PLEKHH1: variants seen among roughly 807,000 people sequenced by gnomAD.
The protein encoded by PLEKHH1 is pleckstrin homology domain-containing family H member 1.
In PLEKHH1, 104 loss-of-function variants were observed where a neutral mutation model predicts 160.0. That is an observed-to-expected ratio of 0.65 (90% CI 0.55 to 0.76). PLEKHH1 has a LOEUF of 0.76. PLEKHH1 is among the 30% of genes least tolerant of loss of function. PLEKHH1 has a pLI of 0.00. For synonymous variants in PLEKHH1, 619 were observed against 678.4 expected, an observed-to-expected ratio of 0.91 and a Z score of 1.36; for missense variants, 1,427 against 1,724.1, an observed-to-expected ratio of 0.83 and a Z score of 3.05.
chr14:67,544,071 A>G (rs141749410), intron 2 of PLEKHH1, among the ~76,000 whole-genome samples: 2 of 152,312 alleles, frequency 1.3e-5, no homozygotes, highest in East Asian at 3.9e-4. Flanking sequence ...TTCTGCATCA[A>G]GTCAGGACTA....
intron 1 of PLEKHH1, among the ~76,000 whole-genome samples, chr14:67,534,959 G>C (rs2033644785): frequency 6.6e-6 from 1 of 152,196 alleles, no homozygotes; most frequent in African/African-American, 2.4e-5. Context: ...AAACAATCTA[G>C]ATGTCCATCA....
intron 10 of PLEKHH1, 65 bp downstream of exon 10, chr14:67,571,967 A>T (rs1328576533): frequency 6.5e-7 from 1 of 1,539,520 alleles, no homozygotes; most frequent in Non-Finnish European, 8.8e-7. Context: ...TCCCATGGGC[A>T]CTTGAACATG....
rs145425849 is a variant in PLEKHH1, at chr14:67,551,869, C to T, written c.127-3956C>T. Among the ~76,000 whole-genome samples the T allele has an allele frequency of 7.3e-4, 111 of 151,480 alleles. 1 individual carries two copies. The highest frequency in any genetic ancestry group is 2.5e-3 in the African/African-American group (104 of 41,252). On this transcript the variant is annotated intron_variant, in intron 2 of 28. Transcript: ENST00000329153. ...CCAGCCTGGGCGACACAGTGAGATT[C>T]TGTCTAAAAAAAAAAAAGAATGTTG...
chr14:67,584,857 C>T (rs756609497), intron 26 of PLEKHH1, among the ~76,000 whole-genome samples: 2 of 152,160 alleles, frequency 1.3e-5, no homozygotes, highest in Non-Finnish European at 2.9e-5. Context: ...TAAGCCATCA[C>T]AAATGCTATG....
At chr14:67,564,647 A>G (rs1039570481) in intron 7 of PLEKHH1, among the ~76,000 whole-genome samples, 15 of 147,890 alleles carry the variant, frequency 1.0e-4, no homozygotes, top group Non-Finnish European at 2.1e-4. Flanking sequence ...TAGTAGAGAC[A>G]GGGTTTCACT....
At chr14:67,556,297 A>C (rs980585353) in intron 3 of PLEKHH1, among the ~76,000 whole-genome samples, 1 of 152,174 alleles carries the variant, frequency 6.6e-6, no homozygotes, top group Non-Finnish European at 1.5e-5. Context: ...GCAAGGAAAG[A>C]AAGCTGGATG....
chr14:67,574,136 G>T lies in PLEKHH1; in HGVS notation c.1927-106G>T. 9.9e-7 allele frequency: 1 copy of T among 1,013,312 alleles called. No individual in the cohort carries two copies. Among genetic ancestry groups the T allele is most frequent in the Non-Finnish European group, 1.4e-6 (1 of 698,780 alleles). 62.8% of individuals were successfully genotyped at this position (1,013,312 alleles called of 1,614,324 possible). On this transcript the variant is annotated intron_variant, in intron 13 of 28. Coordinates refer to ENST00000329153, the MANE Select transcript of PLEKHH1 (RefSeq NM_020715.3). This position sits in a 1 kb window ranked among gnomAD's most constrained non-coding sequence, Gnocchi z 4.2. Reference sequence around the variant, plus strand: ...AAAGGAGGGAGCACTAGGGCAGGCAGAAGGCCAGCCCCTTGGGTTCAGGGA... The same window carrying T: ...AAAGGAGGGAGCACTAGGGCAGGCATAAGGCCAGCCCCTTGGGTTCAGGGA...
In PLEKHH1 at chr14:67,541,986, C is replaced by A. The variant is rs749649717; in HGVS notation, c.119C>A (p.Ala40Asp). 4 of 1,604,676 alleles carry A rather than the reference C, an allele frequency of 2.5e-6. No homozygotes were observed. In the African/African-American group the frequency reaches 5.4e-5, roughly 21 times the overall value. ...GCCAGCAAGATAAGGGAGCTGCTGG[C>A]TGACAAGGTGAGTCCCTCAGAGCAG... ...LQASKIRELL[A>D]DKMQELEQRL... The change falls in exon 2 of 29, where the codon GCT becomes GAT. Residue 40 changes from alanine to aspartate, a missense_variant. By Grantham distance (126) the Ala-to-Asp change is moderately radical. Transcript: ENST00000329153.
rs145778193 is a variant in PLEKHH1 at position 67,577,309 on chromosome 14, G to A, written c.2469G>A (p.Pro823=). 8.7e-4 allele frequency: 1,361 copies of A among 1,564,944 alleles called. 10 individuals are homozygous for A. The African/African-American group carries it at 0.016, about 19-fold the overall frequency. The change falls in exon 18 of 29, where the codon CCG becomes CCA. Residue 823 remains proline, a synonymous_variant. Coordinates refer to ENST00000329153, the MANE Select transcript of PLEKHH1 (RefSeq NM_020715.3). ...LMDGEGDPDS[P]LWRHPMLCYS... ...GTTCCGTGCTTTGGGCAGATTCGCC[G>A]CTCTGGAGGCACCCCATGCTGTGCT...
chr14:67,559,926 G>A (rs988231568), intron 5 of PLEKHH1, among the ~76,000 whole-genome samples: 5 of 152,176 alleles, frequency 3.3e-5, no homozygotes, highest in East Asian at 1.9e-4. Context: ...TTAAGTTTGC[G>A]AGAAGGAATG....
rs372546979 is a variant in PLEKHH1, at chr14:67,563,546, G to A, written c.1263+652G>A. Reference sequence around the variant, plus strand: ...CCTCCTGGGTTCAATCAATTCTCCCGCCTCAGCCTCCCAAGTAGCTGGGAT... The same window carrying A: ...CCTCCTGGGTTCAATCAATTCTCCCACCTCAGCCTCCCAAGTAGCTGGGAT... On this transcript the variant is annotated intron_variant, in intron 7 of 28. Transcript: ENST00000329153. 4.6e-5 allele frequency among the ~76,000 whole-genome samples: 7 copies of A among 151,734 alleles called. 1 individual carries two copies. Among genetic ancestry groups the A allele is most frequent in the African/African-American group, 7.3e-5 (3 of 41,352 alleles).
At chr14:67,545,365 T>A (rs139103251) in intron 2 of PLEKHH1, among the ~76,000 whole-genome samples, 4 of 152,260 alleles carry the variant, frequency 2.6e-5, no homozygotes, top group Non-Finnish European at 5.9e-5. Context: ...GTTCTATTTA[T>A]ATGAGAAAGA....
rs769073169 is a variant in PLEKHH1 at position 67,562,073 on chromosome 14, G to A, written c.505+38G>A. The A allele has an allele frequency of 1.7e-5, 27 of 1,609,144 alleles. No homozygotes were observed. In the South Asian group the frequency reaches 2.1e-4, roughly 12 times the overall value. ...GGGTGTGCAGGTGTGCAGTACGTGT[G>A]TTTGGTGGGTATGGGGCTGAGCTAC... On this transcript the variant is annotated intron_variant, in intron 6 of 28. Transcript: ENST00000329153.
At chr14:67,558,796 C>T (rs1202732096) in intron 4 of PLEKHH1, among the ~76,000 whole-genome samples, 1 of 152,214 alleles carries the variant, frequency 6.6e-6, no homozygotes, top group African/African-American at 2.4e-5. Flanking sequence ...TCTGTAAAGT[C>T]CAGGTAGTAA....
At chr14:67,567,186 G>A (rs2035143403) in intron 7 of PLEKHH1, among the ~76,000 whole-genome samples, 1 of 152,178 alleles carries the variant, frequency 6.6e-6, no homozygotes, top group South Asian at 2.1e-4. Context: ...GTGGCCAGAA[G>A]CCCAGCCTCT....
At chr14:67,545,691 T>G (rs2034149400) in intron 2 of PLEKHH1, among the ~76,000 whole-genome samples, 1 of 152,240 alleles carries the variant, frequency 6.6e-6, no homozygotes, top group Non-Finnish European at 1.5e-5. Flanking sequence ...ATATTCAGTG[T>G]ATTTGTACAG....
At chr14:67,586,542 T>C (rs10144151) in intron 28 of PLEKHH1, 15 of 654,364 alleles carry the variant, frequency 2.3e-5, no homozygotes, top group African/African-American at 1.1e-4. Flanking sequence ...TTCCTTGTTG[T>C]GGGGAAGACC....
In PLEKHH1 at chr14:67,579,537, A is replaced by G. The variant is rs118070739; in HGVS notation, c.3028-184A>G. 3.5e-3 allele frequency: 2,316 copies of G among 657,534 alleles called. 8 individuals are homozygous for G. Among genetic ancestry groups the G allele is most frequent in the Non-Finnish European group, 4.7e-3 (1,840 of 391,358 alleles). 40.7% of individuals were successfully genotyped at this position (657,534 alleles called of 1,614,324 possible). A position where few individuals can be genotyped will look rare whatever the true frequency, so the allele number is the denominator to read the frequency against. On this transcript the variant is annotated intron_variant, in intron 21 of 28. Transcript: ENST00000329153. ...GGACCCAGGTATGCCCAGTTCATTT[A>G]CAGTGGATAAGCTCACATCCCTCAT... is the stretch of plus-strand genomic sequence containing the variant.
chr14:67,542,676 CTATTT>C (rs202136535), intron 2 of PLEKHH1, among the ~76,000 whole-genome samples: 1,648 of 151,866 alleles, frequency 0.011, 37 homozygotes, highest in African/African-American at 0.037. Context: ...AGATAACATT[CTATTT>C]TATTTTATTT....
Sources: allele counts gnomAD v4.1 joint callset (sites outside exome capture counted in the v4.1 genomes callset), GRCh38; gene constraint gnomAD v4.1.1; non-coding constraint Gnocchi (gnomAD v3.1); transcripts MANE v1.5; gene names NCBI Gene and HGNC (gene_info 2026-07-23, HGNC 2026-07-21).